The following PTPN4 variants were observed in gnomAD, a reference collection of about 807,000 sequenced individuals.
PTPN4 encodes protein tyrosine phosphatase non-receptor type 4.
PTPN4 carries 49 observed loss-of-function variants against 135.5 expected under a neutral mutation model. That is an observed-to-expected ratio of 0.36 (90% CI 0.29 to 0.46). The LOEUF is 0.46. Ranked by LOEUF, PTPN4 falls within the 20% of genes least tolerant of loss-of-function variation. The pLI is 1.00. For synonymous variants in PTPN4, 333 were observed against 369.9 expected (o/e 0.90, Z 1.14); for missense variants, 860 against 1,101.0 (o/e 0.78, Z 3.10).
chr2:119,975,981 A>ATTTTT (rs201604174), intron 26 of PTPN4, among the ~76,000 whole-genome samples: 3 of 138,506 alleles, frequency 2.2e-5, no homozygotes, highest in Admixed American at 8.0e-5. Flanking sequence ...ATTTTATTTT[A>ATTTTT]TTTTTATTTA....
At chr2:119,780,902 G>A (rs1690925254) in intron 1 of PTPN4, among the ~76,000 whole-genome samples, 1 of 152,146 alleles carries the variant, frequency 6.6e-6, no homozygotes, top group African/African-American at 2.4e-5. Flanking sequence ...TATAGTAACT[G>A]TAAAATGGCA....
intron 2 of PTPN4, among the ~76,000 whole-genome samples, chr2:119,811,028 C>G (rs1274523217): frequency 6.6e-6 from 1 of 151,448 alleles, no homozygotes; most frequent in African/African-American, 2.4e-5. Flanking sequence ...TATTTCCACA[C>G]TTTGAAATCT....
At chr2:119,837,347 A>G (rs530347486) in intron 2 of PTPN4, among the ~76,000 whole-genome samples, 15 of 152,182 alleles carry the variant, frequency 9.9e-5, no homozygotes, top group African/African-American at 3.4e-4. Flanking sequence ...AGGGCTGGAC[A>G]CTTGTCGGGT....
intron 11 of PTPN4, among the ~76,000 whole-genome samples, chr2:119,918,665 A>G (rs1483410885): frequency 6.6e-6 from 1 of 152,212 alleles, no homozygotes; most frequent in Non-Finnish European, 1.5e-5. Context: ...GAGGGATTGT[A>G]TATTGATCTA....
At chr2:119,869,488 TTCAGCTG>T (rs1439644197) in intron 3 of PTPN4, among the ~76,000 whole-genome samples, 1 of 152,180 alleles carries the variant, frequency 6.6e-6, no homozygotes, top group African/African-American at 2.4e-5. Flanking sequence ...ACATGCATAG[TTCAGCTG>T]TCAGCCAGAG....
At chr2:119,841,876 T>G (rs2104970884) in intron 2 of PTPN4, among the ~76,000 whole-genome samples, 1 of 152,312 alleles carries the variant, frequency 6.6e-6, no homozygotes, top group South Asian at 2.1e-4. Context: ...TTCATAGTTT[T>G]GGTGTTAAAA....
At chr2:119,947,936 C>G (rs1448383825) in intron 18 of PTPN4, among the ~76,000 whole-genome samples, 1 of 152,070 alleles carries the variant, frequency 6.6e-6, no homozygotes, top group East Asian at 1.9e-4. Flanking sequence ...ACAGGGACCT[C>G]TCAGTCTAAA....
chr2:119,833,449 G>T (rs964312255), intron 2 of PTPN4, among the ~76,000 whole-genome samples: 1 of 151,722 alleles, frequency 6.6e-6, no homozygotes, highest in African/African-American at 2.4e-5. Context: ...AAATCCTTTT[G>T]TATCTTTAAT....
At chr2:119,840,594 G>A (rs1029961422) in intron 2 of PTPN4, among the ~76,000 whole-genome samples, 7 of 152,262 alleles carry the variant, frequency 4.6e-5, no homozygotes, top group African/African-American at 1.7e-4. Context: ...ATTCCTTTGG[G>A]TATGTACCCA....
At chr2:119,787,091 G>A (rs1691060710) in intron 1 of PTPN4, among the ~76,000 whole-genome samples, 1 of 152,186 alleles carries the variant, frequency 6.6e-6, no homozygotes, top group Admixed American at 6.5e-5. Context: ...GTGTGTGGGT[G>A]CACACGTGTG....
intron 2 of PTPN4, among the ~76,000 whole-genome samples, chr2:119,824,466 G>A (rs1325331786): frequency 6.6e-6 from 1 of 152,124 alleles, no homozygotes; most frequent in Non-Finnish European, 1.5e-5. Context: ...CAGGCACACG[G>A]TAGTGTTTTT....
intron 2 of PTPN4, among the ~76,000 whole-genome samples, chr2:119,852,884 G>A (rs537783380): frequency 2.0e-5 from 3 of 151,928 alleles, no homozygotes; most frequent in South Asian, 2.1e-4. Flanking sequence ...TTTCTCCAGA[G>A]TCCTCTTTGT....
chr2:119,932,100 G>GT (rs1469745368), intron 13 of PTPN4, among the ~76,000 whole-genome samples: 5 of 152,144 alleles, frequency 3.3e-5, no homozygotes, highest in Admixed American at 1.3e-4. Context: ...TGTCTTGTCA[G>GT]TAACATCTGA....
At chr2:119,794,981 C>G (rs1691225745) in intron 1 of PTPN4, among the ~76,000 whole-genome samples, 1 of 152,212 alleles carries the variant, frequency 6.6e-6, no homozygotes, top group Admixed American at 6.5e-5. Context: ...GGTAGCTCCA[C>G]TCTGCAGCTG....
intron 10 of PTPN4, among the ~76,000 whole-genome samples, chr2:119,903,069 A>G (rs1678430490): frequency 6.6e-6 from 1 of 152,156 alleles, no homozygotes; most frequent in Non-Finnish European, 1.5e-5. Flanking sequence ...CCCAGGATAC[A>G]GCTAGGTCCT....
chr2:119,965,570 G>A lies in PTPN4; in HGVS notation c.2483G>A (p.Ser828Asn). 1 of 1,614,006 alleles carries A rather than the reference G, an allele frequency of 6.2e-7. No individual in the cohort carries two copies. Among genetic ancestry groups the A allele is most frequent in the Non-Finnish European group, 8.5e-7 (1 of 1,179,872 alleles). ...WPDHGVPDDS[S>N]DFLDFVCHVR... ...GACCATGGAGTCCCTGATGATTCGA[G>A]TGACTTTCTAGATTTTGTTTGTCAT... The change falls in exon 25 of 27, where the codon AGT (serine) becomes AAT (asparagine). Residue 828 changes from serine to asparagine, a missense_variant. Ser to Asn is a conservative substitution (Grantham distance 46). This residue lies in a region of PTPN4 where 176 missense variants were observed against 294.1 expected (regional missense o/e 0.60). Coordinates refer to ENST00000263708, the MANE Select transcript of PTPN4 (RefSeq NM_002830.4).
At chr2:119,793,097 A>T (rs532221167) in intron 1 of PTPN4, among the ~76,000 whole-genome samples, 5 of 152,202 alleles carry the variant, frequency 3.3e-5, no homozygotes, top group Non-Finnish European at 7.3e-5. Context: ...AGAATTCACC[A>T]GGCTGGAATT....
intron 1 of PTPN4, among the ~76,000 whole-genome samples, chr2:119,786,968 A>G (rs1022816000): frequency 5.3e-5 from 8 of 152,184 alleles, no homozygotes; most frequent in East Asian, 1.9e-4. Context: ...TAATTTAACT[A>G]CTATACATTT....
At chr2:119,881,521 A>G (rs985851833) in intron 5 of PTPN4, among the ~76,000 whole-genome samples, 5 of 152,212 alleles carry the variant, frequency 3.3e-5, no homozygotes, top group African/African-American at 9.6e-5. Context: ...TCATGTAACT[A>G]TTTGAAATCT....
Sources: allele counts gnomAD v4.1 joint callset (sites outside exome capture counted in the v4.1 genomes callset), GRCh38; gene constraint gnomAD v4.1.1; regional missense constraint gnomAD v4.1.1; transcripts MANE v1.5; gene names NCBI Gene and HGNC (gene_info 2026-07-23, HGNC 2026-07-21).